The following ROR2 variants were observed in gnomAD, a reference collection of about 807,000 sequenced individuals.
The protein encoded by ROR2 is ROR family WNT receptor 2, also known as tyrosine-protein kinase transmembrane receptor ROR2.
Under a neutral mutation model 74.9 loss-of-function variants are expected in ROR2, and 33 were observed. That is an observed-to-expected ratio of 0.44 (90% CI 0.33 to 0.59). The LOEUF is 0.59. Ranked by LOEUF, ROR2 falls within the 20% of genes least tolerant of loss-of-function variation. ROR2 has a pLI of 0.02. For missense variants in ROR2, 1,216 were observed against 1,313.8 expected, an observed-to-expected ratio of 0.93 and a Z score of 1.15; for synonymous variants, 586 against 558.7, an observed-to-expected ratio of 1.05 and a Z score of -0.69.
At chr9:91,808,696 C>A (rs182679437) in intron 1 of ROR2, among the ~76,000 whole-genome samples, 27 of 151,574 alleles carry the variant, frequency 1.8e-4, no homozygotes, top group Non-Finnish European at 3.1e-4. Context: ...CGGTGGCTCA[C>A]GTCTGTAATC....
chr9:91,783,716 GCT>G (rs2118971536), intron 1 of ROR2, among the ~76,000 whole-genome samples: 1 of 152,280 alleles, frequency 6.6e-6, no homozygotes, highest in South Asian at 2.1e-4. Context: ...CCACTCCACG[GCT>G]CTGCGAGCCT....
intron 1 of ROR2, among the ~76,000 whole-genome samples, chr9:91,799,020 A>C (rs917973944): frequency 3.3e-5 from 5 of 152,232 alleles, no homozygotes; most frequent in African/African-American, 1.2e-4. Context: ...AGCTGAAGAG[A>C]GATCCATTCC....
chr9:91,864,845 G>A (rs531324880), intron 1 of ROR2, among the ~76,000 whole-genome samples: 4 of 152,210 alleles, frequency 2.6e-5, no homozygotes, highest in Non-Finnish European at 5.9e-5. Flanking sequence ...TGTAGCATAT[G>A]TTTTATTTAA....
intron 1 of ROR2, among the ~76,000 whole-genome samples, chr9:91,938,411 T>C (rs766044938): frequency 2.6e-4 from 40 of 152,066 alleles, no homozygotes; most frequent in Non-Finnish European, 4.3e-4. Context: ...AACCCTGAGA[T>C]TGCACCACCA....
intron 1 of ROR2, among the ~76,000 whole-genome samples, chr9:91,929,301 G>C (rs918667151): frequency 2.6e-5 from 4 of 152,342 alleles, no homozygotes; most frequent in Middle Eastern, 3.4e-3. Flanking sequence ...GCAAGGGAGG[G>C]GGGCACAGTG....
At chr9:91,837,167 T>C (rs1394243888) in intron 1 of ROR2, among the ~76,000 whole-genome samples, 1 of 152,232 alleles carries the variant, frequency 6.6e-6, no homozygotes, top group Non-Finnish European at 1.5e-5. Context: ...TTGTTGTTGT[T>C]TTTTGAGATG....
intron 1 of ROR2, among the ~76,000 whole-genome samples, chr9:91,853,937 A>G (rs559494220): frequency 1.3e-5 from 2 of 152,294 alleles, no homozygotes; most frequent in African/African-American, 4.8e-5. Context: ...TATCTGTAAT[A>G]TTTCCATCAT....
chr9:91,950,170 T>G lies in ROR2; in HGVS notation c.-207A>C. The G allele has an allele frequency of 6.0e-6, 2 of 331,352 alleles. No homozygotes were observed. Among genetic ancestry groups the G allele is most frequent in the African/African-American group, 2.2e-5 (1 of 45,448 alleles). 20.5% of individuals were successfully genotyped at this position (331,352 alleles called of 1,614,324 possible). A position where few individuals can be genotyped will look rare whatever the true frequency, so the allele number is the denominator to read the frequency against. ...CCACGGCAAGGGCTGGCTGGGGAGG[T>G]TCCTTGGCGCGGGCTGGGGCGTCCC... On this transcript the variant is annotated 5_prime_UTR_variant, in exon 1 of 9. Transcript: ENST00000375708.
At chr9:91,771,908 A>AG (rs1826242750) in intron 2 of ROR2, among the ~76,000 whole-genome samples, 1 of 152,244 alleles carries the variant, frequency 6.6e-6, no homozygotes, top group Non-Finnish European at 1.5e-5. Flanking sequence ...GTGATTTTGC[A>AG]GATGTTTATA....
At chr9:91,788,206 T>C (rs1277516474) in intron 1 of ROR2, among the ~76,000 whole-genome samples, 3 of 151,630 alleles carry the variant, frequency 2.0e-5, no homozygotes, top group Non-Finnish European at 4.4e-5. Flanking sequence ...GAACAGAGCC[T>C]AAGAGACCCA....
intron 5 of ROR2, among the ~76,000 whole-genome samples, chr9:91,735,606 C>CTTTTTATTTTTTTTTT (rs1824990692): frequency 1.3e-5 from 1 of 79,000 alleles, no homozygotes; most frequent in Non-Finnish European, 2.4e-5. Context: ...AGGGCTCTAA[C>CTTTTTATTTTTTTTTT]TTTTTTTTTT....
intron 1 of ROR2, among the ~76,000 whole-genome samples, chr9:91,890,316 C>T (rs747147616): frequency 4.6e-5 from 7 of 152,258 alleles, no homozygotes; most frequent in South Asian, 2.1e-4. Context: ...GTGGAATGAA[C>T]GAGTTCCACA....
Position 91,733,553 on chromosome 9 carries a change from G to A in ROR2, c.623-117C>T, listed in dbSNP as rs906033295. Reference sequence around the variant, plus strand: ...TGCCCACTCAGCCCCCTGATGCCCCGCCCCGCCCCAGACTCCCCAACCCCG... The same window carrying A: ...TGCCCACTCAGCCCCCTGATGCCCCACCCCGCCCCAGACTCCCCAACCCCG... On this transcript the variant is annotated intron_variant, in intron 5 of 8. Transcript: ENST00000375708. The surrounding 1 kb of genome is among the most constrained non-coding windows in gnomAD (Gnocchi z 5.7). 6.7e-6 allele frequency: 7 copies of A among 1,038,474 alleles called. No homozygotes were observed. In the East Asian group the frequency reaches 8.5e-5, roughly 13 times the overall value. 64.3% of individuals were successfully genotyped at this position (1,038,474 alleles called of 1,614,324 possible). A position where few individuals can be genotyped will look rare whatever the true frequency, so the allele number is the denominator to read the frequency against.
At chr9:91,900,535 C>T (rs4347044) in intron 1 of ROR2, among the ~76,000 whole-genome samples, 39,449 of 152,178 alleles carry the variant, frequency 0.26, 5,503 homozygotes, top group Admixed American at 0.43. Context: ...GAAGGCACCG[C>T]GTGGCATCCA....
chr9:91,887,702 C>A (rs1021837324), intron 1 of ROR2, among the ~76,000 whole-genome samples: 1 of 151,700 alleles, frequency 6.6e-6, no homozygotes, highest in Non-Finnish European at 1.5e-5. Context: ...CCAGTAATTG[C>A]TAAATTGCCC....
chr9:91,880,723 T>TA (rs1239515982), intron 1 of ROR2, among the ~76,000 whole-genome samples: 17 of 152,252 alleles, frequency 1.1e-4, no homozygotes, highest in Admixed American at 8.5e-4. Context: ...CAAAGCCTGA[T>TA]AAACAGAAGT....
intron 1 of ROR2, among the ~76,000 whole-genome samples, chr9:91,851,853 G>A (rs976259580): frequency 6.6e-6 from 1 of 151,874 alleles, no homozygotes; most frequent in Non-Finnish European, 1.5e-5. Flanking sequence ...GTGCGCGCCT[G>A]TAATCACAGC....
chr9:91,824,291 G>A (rs1422475672), intron 1 of ROR2, among the ~76,000 whole-genome samples: 7 of 152,248 alleles, frequency 4.6e-5, no homozygotes, highest in African/African-American at 1.7e-4. Flanking sequence ...TTACATGCCT[G>A]TGGGGTTCCC....
Position 91,849,587 on chromosome 9 carries a change from C to A in ROR2, c.98-73769G>T, listed in dbSNP as rs373663908. Among the ~76,000 whole-genome samples, 46 of 152,354 alleles carry A rather than the reference C, an allele frequency of 3.0e-4. No individual in the cohort carries two copies. The East Asian group carries it at 5.4e-3, about 18-fold the overall frequency. On this transcript the variant is annotated intron_variant, in intron 1 of 8. Coordinates refer to ENST00000375708, the MANE Select transcript of ROR2 (RefSeq NM_004560.4). ...AAAGAATGTGGACTTCTGGAGATTA[C>A]TACAGAATATCTGACCTTTTGTTTC...
Sources: gnomAD v4.1 joint callset for allele counts (sites outside exome capture counted in the v4.1 genomes callset) on GRCh38, gnomAD v4.1.1 for gene constraint, Gnocchi (gnomAD v3.1) non-coding constraint, MANE v1.5 for transcripts, NCBI Gene and HGNC (gene_info 2026-07-23, HGNC 2026-07-21) for gene names.